Variants in KLHL29 observed in about 807,000 individuals in gnomAD.
KLHL29 encodes kelch like family member 29, also known as kelch-like protein 29.
In KLHL29, 21 loss-of-function variants were observed where a neutral mutation model predicts 80.4. The observed-to-expected ratio is 0.26, with a 90% confidence interval of 0.19 to 0.38. KLHL29 has a LOEUF of 0.38. Ranked by LOEUF, KLHL29 falls within the 10% of genes least tolerant of loss-of-function variation. The probability of loss-of-function intolerance (pLI) is 1.00; values close to 1 mark genes in which losing one functional copy is unlikely to be tolerated. For missense variants in KLHL29, 867 were observed against 1,223.9 expected, an observed-to-expected ratio of 0.71 and a Z score of 4.35; for synonymous variants, 511 against 526.8, an observed-to-expected ratio of 0.97 and a Z score of 0.41.
intron 5 of KLHL29, among the ~76,000 whole-genome samples, chr2:23,658,675 T>C (rs1486755214): frequency 6.6e-6 from 1 of 152,146 alleles, no homozygotes; most frequent in Non-Finnish European, 1.5e-5. Context: ...GCCTTCCGGT[T>C]GTTGAGTTTG....
intron 2 of KLHL29, among the ~76,000 whole-genome samples, chr2:23,501,323 T>G (rs1572359948): frequency 6.6e-6 from 1 of 151,994 alleles, no homozygotes; most frequent in South Asian, 2.1e-4. Context: ...CAAATTGGAT[T>G]GAACCTAATT....
intron 5 of KLHL29, among the ~76,000 whole-genome samples, chr2:23,654,178 T>TAA (rs1245672361): frequency 1.4e-5 from 2 of 147,502 alleles, no homozygotes; most frequent in African/African-American, 5.0e-5. Flanking sequence ...AAAAATAAAT[T>TAA]TAAAAAAAAA....
chr2:23,687,523 C>T (rs895741955), intron 6 of KLHL29, among the ~76,000 whole-genome samples: 6 of 152,214 alleles, frequency 3.9e-5, no homozygotes, highest in African/African-American at 1.4e-4. Context: ...AGGAGCCCCT[C>T]CTGGGGCCGG....
At chr2:23,619,352 T>G (rs1200485033) in intron 3 of KLHL29, among the ~76,000 whole-genome samples, 1 of 151,846 alleles carries the variant, frequency 6.6e-6, no homozygotes, top group Non-Finnish European at 1.5e-5. Context: ...CTGGGGAAAT[T>G]TTGAGGGTGG....
At position 23,648,109 on chromosome 2, in the gene KLHL29, AC is replaced by A. The variant is rs1180839334; in HGVS notation, c.940+5265del. ...AGGAGAGCTCGTTCTGCAGCCCGTC[AC>A]CCCCCGACACCTGACCCACGCCTCT... On this transcript the variant is annotated intron_variant, in intron 5 of 13. Coordinates refer to ENST00000486442, the MANE Select transcript of KLHL29 (RefSeq NM_052920.2). Among the ~76,000 whole-genome samples, 7 of 151,124 alleles carry A rather than the reference AC, an allele frequency of 4.6e-5. No homozygotes were observed. In the East Asian group the frequency reaches 1.4e-3, roughly 30 times the overall value.
chr2:23,531,900 C>T (rs748858), intron 2 of KLHL29, among the ~76,000 whole-genome samples: 81,948 of 152,044 alleles, frequency 0.54, 22,478 homozygotes, highest in Middle Eastern at 0.63. Flanking sequence ...TACTTTCTCA[C>T]CCTCTTTGAC....
chr2:23,598,907 G>A (rs1457525117), intron 3 of KLHL29, among the ~76,000 whole-genome samples: 1 of 152,246 alleles, frequency 6.6e-6, no homozygotes, highest in Non-Finnish European at 1.5e-5. Flanking sequence ...CCAGAAGGCT[G>A]GGGGTAGAGC....
intron 2 of KLHL29, among the ~76,000 whole-genome samples, chr2:23,525,469 G>A (rs924002678): frequency 4.6e-5 from 7 of 152,222 alleles, no homozygotes; most frequent in African/African-American, 1.7e-4. Context: ...AGAAGAAATG[G>A]TGGCCGGAGC....
intron 1 of KLHL29, among the ~76,000 whole-genome samples, chr2:23,432,931 T>C (rs1663224391): frequency 6.6e-6 from 1 of 151,964 alleles, no homozygotes; most frequent in Admixed American, 6.5e-5. Context: ...GGAAAGGGCA[T>C]GGTGAGGGAG....
At chr2:23,432,345 A>G (rs1187383771) in intron 1 of KLHL29, among the ~76,000 whole-genome samples, 1 of 152,238 alleles carries the variant, frequency 6.6e-6, no homozygotes, top group African/African-American at 2.4e-5. Flanking sequence ...CCTACGAGCA[A>G]CACACCTATC....
intron 13 of KLHL29, among the ~76,000 whole-genome samples, chr2:23,704,851 G>C (rs567774433): frequency 1.3e-5 from 2 of 152,378 alleles, no homozygotes; most frequent in South Asian, 4.1e-4. Flanking sequence ...CTATGTAGAG[G>C]TAACTGCAGA....
chr2:23,454,075 G>T (rs2103423510), intron 1 of KLHL29, among the ~76,000 whole-genome samples: 1 of 152,320 alleles, frequency 6.6e-6, no homozygotes, highest in African/African-American at 2.4e-5. Context: ...TAGCCTAATT[G>T]TGTTGTATTT....
intron 5 of KLHL29, among the ~76,000 whole-genome samples, chr2:23,658,135 C>G (rs1007382240): frequency 6.6e-6 from 1 of 152,036 alleles, no homozygotes; most frequent in African/African-American, 2.4e-5. Flanking sequence ...CTTCCTCTAC[C>G]CTCCTCCCCA....
chr2:23,691,646 G>A (rs755281640), intron 6 of KLHL29, 28 bp from the exon 7 acceptor site: 66 of 1,547,288 alleles, frequency 4.3e-5, no homozygotes, highest in Non-Finnish European at 5.3e-5. Flanking sequence ...AGGGCAGGAG[G>A]TAAGGACACC....
rs147387079 is a variant in KLHL29, at chr2:23,680,525, A to G, written c.941-3874A>G. Among the ~76,000 whole-genome samples, 4,985 of 152,302 alleles carry G rather than the reference A, an allele frequency of 0.033. 102 individuals carry two copies. Among genetic ancestry groups the G allele is most frequent in the South Asian group, 0.087 (418 of 4,830 alleles). On this transcript the variant is annotated intron_variant, in intron 5 of 13. Coordinates refer to ENST00000486442, the MANE Select transcript of KLHL29 (RefSeq NM_052920.2). The surrounding 1 kb of genome is among the most constrained non-coding windows in gnomAD (Gnocchi z 4.1). ...ACCTCTGGGGCCGACCAACAGGGAC[A>G]GATGCTGAGGCCAAGTCTTCATCCC...
chr2:23,656,539 A>G (rs1335104857), intron 5 of KLHL29, among the ~76,000 whole-genome samples: 1 of 152,230 alleles, frequency 6.6e-6, no homozygotes, highest in African/African-American at 2.4e-5. Context: ...CTTATCTGCA[A>G]GGCCCCTTAG....
chr2:23,570,024 A>C (rs1273658059), intron 3 of KLHL29, among the ~76,000 whole-genome samples: 1 of 152,220 alleles, frequency 6.6e-6, no homozygotes, highest in Non-Finnish European at 1.5e-5. Context: ...AGGAAGGTTT[A>C]GGAGAATTCC....
intron 3 of KLHL29, among the ~76,000 whole-genome samples, chr2:23,637,868 C>G (rs1011322826): frequency 6.6e-6 from 1 of 152,000 alleles, no homozygotes; most frequent in African/African-American, 2.4e-5. Context: ...GCCCCGGAGG[C>G]TCCTGTGTGC....
In KLHL29 at chr2:23,682,428, G is replaced by A. The variant is rs1305276513; in HGVS notation, c.941-1971G>A. On this transcript the variant is annotated intron_variant, in intron 5 of 13. Transcript: ENST00000486442. This position sits in a 1 kb window ranked among gnomAD's most constrained non-coding sequence, Gnocchi z 4.1. ...TTCGAGGCTCAACTCTCTGCACGGCGCTATCTTGCCTCCCATTGGCCTCCC... is the reference window on the plus strand; with the variant it reads ...TTCGAGGCTCAACTCTCTGCACGGCACTATCTTGCCTCCCATTGGCCTCCC... Among the ~76,000 whole-genome samples, 2 of 152,124 alleles carry A rather than the reference G, an allele frequency of 1.3e-5. No individual in the cohort carries two copies. Among genetic ancestry groups the A allele is most frequent in the Non-Finnish European group, 2.9e-5 (2 of 68,022 alleles).
Sources: gnomAD v4.1 joint callset for allele counts (sites outside exome capture counted in the v4.1 genomes callset) on GRCh38, gnomAD v4.1.1 for gene constraint, Gnocchi (gnomAD v3.1) non-coding constraint, MANE v1.5 for transcripts, NCBI Gene and HGNC (gene_info 2026-07-23, HGNC 2026-07-21) for gene names.